Variants in NXPE4 observed in about 807,000 individuals in gnomAD.
NXPE4 encodes the protein NXPE family member 4.
NXPE4 carries 42 observed loss-of-function variants against 33.3 expected under a neutral mutation model. That is an observed-to-expected ratio of 1.26 (90% CI 0.98 to 1.63). The LOEUF (loss-of-function observed/expected upper bound fraction) is 1.63, where lower values mean the gene tolerates loss of function less well. Among genes scored for constraint, NXPE4 ranks in the 40% most tolerant of loss-of-function variants. The probability of loss-of-function intolerance (pLI) is 0.00; values close to 1 mark genes in which losing one functional copy is unlikely to be tolerated. For synonymous variants in NXPE4, 253 were observed against 234.9 expected (o/e 1.08, Z -0.71); for missense variants, 709 against 647.6 (o/e 1.09, Z -1.03).
chr11:114,676,099 A>G, the NXPE4 span, among the ~76,000 whole-genome samples: 2,167 of 152,080 alleles, frequency 0.014, 42 homozygotes, highest in African/African-American at 0.05. Context: ...AAAAAATCCA[A>G]CTGAAAATGG....
chr11:114,661,491 T>C, the NXPE4 span, among the ~76,000 whole-genome samples: 129,570 of 152,156 alleles, frequency 0.85, 56,171 homozygotes, highest in Non-Finnish European at 0.92. Flanking sequence ...TTTGTCTGCA[T>C]TGTCATCATA....
intron 2 of NXPE4, among the ~76,000 whole-genome samples, chr11:114,589,083 G>A (rs543798002): frequency 2.6e-5 from 4 of 152,210 alleles, no homozygotes; most frequent in South Asian, 4.1e-4. Flanking sequence ...GTGCATCTGC[G>A]AGTTGCTATT....
At chr11:114,609,038 G>T in the NXPE4 span, among the ~76,000 whole-genome samples, 2 of 150,946 alleles carry the variant, frequency 1.3e-5, no homozygotes, top group Non-Finnish European at 3.0e-5. Context: ...ACTCTTACCT[G>T]GTGGATACTA....
chr11:114,622,989 G>A, the NXPE4 span, among the ~76,000 whole-genome samples: 69 of 150,612 alleles, frequency 4.6e-4, no homozygotes, highest in African/African-American at 1.2e-3. Flanking sequence ...AGGAAACCAC[G>A]GTTACCTGGT....
At chr11:114,629,472 C>A in the NXPE4 span, among the ~76,000 whole-genome samples, 10,954 of 147,396 alleles carry the variant, frequency 0.074, 507 homozygotes, top group Middle Eastern at 0.19. Flanking sequence ...ATTCAACAAC[C>A]CTTCATGCTA....
upstream of NXPE4, among the ~76,000 whole-genome samples, chr11:114,599,484 C>A (rs566901488): frequency 2.0e-5 from 3 of 152,260 alleles, no homozygotes; most frequent in South Asian, 6.2e-4. Context: ...TTCCACTCCC[C>A]AGTGCTAATT....
the NXPE4 span, among the ~76,000 whole-genome samples, chr11:114,621,790 C>T: frequency 6.6e-6 from 1 of 150,964 alleles, no homozygotes; most frequent in Non-Finnish European, 1.5e-5. Flanking sequence ...CTGTTACCCA[C>T]TGGATAATAA....
chr11:114,615,362 C>A, the NXPE4 span, among the ~76,000 whole-genome samples: 3 of 152,008 alleles, frequency 2.0e-5, no homozygotes, highest in Admixed American at 2.0e-4. Context: ...TCGTGGATAA[C>A]CACTGTTACC....
At chr11:114,577,234 A>G (rs1949031423) in intron 5 of NXPE4, among the ~76,000 whole-genome samples, 1 of 150,896 alleles carries the variant, frequency 6.6e-6, no homozygotes, top group Admixed American at 6.6e-5. Context: ...AAGGAATGAA[A>G]GAATGGCATG....
At chr11:114,632,862 A>T in the NXPE4 span, among the ~76,000 whole-genome samples, 1 of 44,754 alleles carries the variant, frequency 2.2e-5, no homozygotes, top group Non-Finnish European at 3.8e-5. Flanking sequence ...TAATTATATA[A>T]TATATAATTA....
the NXPE4 span, among the ~76,000 whole-genome samples, chr11:114,634,679 T>A: frequency 6.6e-6 from 1 of 152,110 alleles, no homozygotes; most frequent in African/African-American, 2.4e-5. Flanking sequence ...GCTTTCTACA[T>A]ATCGCTAGTT....
At chr11:114,628,261 T>C in the NXPE4 span, among the ~76,000 whole-genome samples, 6 of 149,600 alleles carry the variant, frequency 4.0e-5, no homozygotes, top group Admixed American at 6.7e-5. Context: ...ATTGACCATA[T>C]ACTTGGAAAT....
the NXPE4 span, among the ~76,000 whole-genome samples, chr11:114,676,985 A>G: frequency 6.6e-6 from 1 of 152,088 alleles, no homozygotes; most frequent in Non-Finnish European, 1.5e-5. Flanking sequence ...CCTGGAGGAC[A>G]TTATGCTGGG....
chr11:114,643,572 T>G, the NXPE4 span, among the ~76,000 whole-genome samples: 1 of 152,104 alleles, frequency 6.6e-6, no homozygotes, highest in African/African-American at 2.4e-5. Context: ...GTTGTAGATG[T>G]GTGGCGTTAT....
intron 5 of NXPE4, 41 bp downstream of exon 5, chr11:114,580,091 T>G: frequency 6.7e-7 from 1 of 1,503,270 alleles, no homozygotes; most frequent in Non-Finnish European, 9.3e-7. Flanking sequence ...GAAAAGAAGT[T>G]TCTGAAAGGG....
chr11:114,596,064 A>G (rs745835152), upstream of NXPE4, among the ~76,000 whole-genome samples: 1 of 152,222 alleles, frequency 6.6e-6, no homozygotes, highest in Non-Finnish European at 1.5e-5. Context: ...AATGATTGAG[A>G]GTAATCATCA....
At chr11:114,583,669 G>C (rs1949209957) in intron 2 of NXPE4, 1 of 584,390 alleles carries the variant, frequency 1.7e-6, no homozygotes, top group Non-Finnish European at 3.4e-6. Context: ...CTGGAGGCCT[G>C]CACCATGCAA....
the NXPE4 span, among the ~76,000 whole-genome samples, chr11:114,632,388 T>C: frequency 3.0e-4 from 40 of 133,192 alleles, no homozygotes; most frequent in Admixed American, 1.8e-4. Context: ...ATATATGATA[T>C]AAATATAAAT....
At chr11:114,571,595 T>C (rs1286269794) in intron 5 of NXPE4, 122 bp from the exon 6 acceptor site, 13 of 936,010 alleles carry the variant, frequency 1.4e-5, no homozygotes, top group Non-Finnish European at 1.9e-5. Context: ...TAATTTATTA[T>C]AGGTTTAGAT....
Sources: allele counts gnomAD v4.1 joint callset (sites outside exome capture counted in the v4.1 genomes callset), GRCh38; gene constraint gnomAD v4.1.1; transcripts MANE v1.5; gene names NCBI Gene and HGNC (gene_info 2026-07-23, HGNC 2026-07-21).